Variants in SELP observed in about 807,000 individuals in gnomAD.
SELP encodes P-selectin.
Under a neutral mutation model 104.1 loss-of-function variants are expected in SELP, and 92 were observed. That is an observed-to-expected ratio of 0.88 (90% confidence interval 0.75 to 1.05). The LOEUF is 1.05. Among genes scored for constraint, SELP ranks in the 50% least tolerant of loss-of-function variants. The probability of loss-of-function intolerance (pLI) is 0.00; values close to 1 mark genes in which losing one functional copy is unlikely to be tolerated. For missense variants in SELP, 1,022 were observed against 1,017.3 expected (o/e 1.00, Z -0.06); for synonymous variants, 397 against 364.5 (o/e 1.09, Z -1.01).
At chr1:169,601,436 G>A (rs746709880) in intron 10 of SELP, among the ~76,000 whole-genome samples, 3 of 152,182 alleles carry the variant, frequency 2.0e-5, no homozygotes, top group Non-Finnish European at 4.4e-5. Context: ...AGCAATACAA[G>A]TCTTTGGATA....
rs181806687 is a variant in SELP at position 169,616,882 on chromosome 1, A to G, written c.481+146T>C. On this transcript the variant is annotated intron_variant, in intron 3 of 16. Coordinates refer to ENST00000263686, the MANE Select transcript of SELP (RefSeq NM_003005.4). ...GATCTTATATTCTTCAAGGTGCTCA[A>G]TAATACTGATTGACTAACAATTTAC... is the stretch of plus-strand genomic sequence containing the variant. 1.9e-5 allele frequency: 16 copies of G among 838,240 alleles called. No homozygotes were observed. The Admixed American group carries it at 4.3e-4, about 22-fold the overall frequency. The allele number at this position is 838,240 out of a possible 1,614,324, so 51.9% of individuals were successfully genotyped here.
intron 10 of SELP, among the ~76,000 whole-genome samples, chr1:169,598,399 A>G (rs1464904335): frequency 1.3e-5 from 2 of 152,198 alleles, no homozygotes; most frequent in Admixed American, 1.3e-4. Context: ...ATGGAAAACC[A>G]ATGTACAGTA....
At chr1:169,616,983 T>G (rs532618684) in intron 3 of SELP, 45 bp downstream of exon 3, 6 of 686,068 alleles carry the variant, frequency 8.7e-6, no homozygotes, top group South Asian at 3.6e-5. Context: ...GAAGGCAGGG[T>G]TTTTTTTTTT....
chr1:169,597,292 G>A, intron 10 of SELP, 116 bp from the exon 11 acceptor site: 1 of 924,432 alleles, frequency 1.1e-6, no homozygotes, highest in Non-Finnish European at 1.5e-6. Flanking sequence ...TATATTCCAG[G>A]TATTTTGCTA....
rs1484274963 is a variant in SELP, at chr1:169,603,305, C to CTGTGTG, written c.1520-95_1520-94insCACACA. ...TCTCTCTCTCTTTCTCCCTCTCTCT[C>CTGTGTG]TCTGTGTGTGTGTGTGTGTGTGTGT... is the stretch of plus-strand genomic sequence containing the variant. On this transcript the variant is annotated intron_variant, in intron 9 of 16. Transcript: ENST00000263686. 2.5e-3 allele frequency: 1,608 copies of CTGTGTG among 647,348 alleles called. 9 individuals are homozygous for CTGTGTG. Among genetic ancestry groups the CTGTGTG allele is most frequent in the African/African-American group, 0.02 (672 of 32,852 alleles). 40.1% of individuals were successfully genotyped at this position (647,348 alleles called of 1,614,324 possible). A position where few individuals can be genotyped will look rare whatever the true frequency, so the allele number is the denominator to read the frequency against.
rs1662970350 is a variant in SELP at position 169,619,154 on chromosome 1, G to A, written c.69C>T (p.Leu23=). Residue 23 remains leucine, a synonymous_variant, in exon 2 of 17, where the codon CTC becomes CTT. Transcript: ENST00000263686. ...FQRVVFGISQ[L]LCFSALISEL... ...CAGAGATCAGGGCACTGAAGCAAAG[G>A]AGTTGGGAAATTCCAAAGACCACTC... The A allele has an allele frequency of 6.2e-7, 1 of 1,613,946 alleles. No homozygotes were observed. The highest frequency in any genetic ancestry group is 2.2e-5 in the East Asian group (1 of 44,874).
At position 169,603,086 on chromosome 1, in the gene SELP, G is replaced by T. The variant is rs937072967; in HGVS notation, c.1645C>A (p.Pro549Thr). ...GATCGAGTACAATCCAATCTTTCTG[G>T]TCCAGACAAAGAATATCCCTCGTCA... ...ICDEGYSLSGPERLDCTRSGR... is the reference protein window; with the variant it reads ...ICDEGYSLSGTERLDCTRSGR... The change falls in exon 10 of 17, where the codon CCA becomes ACA. Residue 549 changes from proline (P) to threonine (T), a missense_variant. Physicochemically the swap from Pro to Thr is conservative, Grantham distance 38. Transcript: ENST00000263686. 1 of 1,613,878 alleles carries T rather than the reference G, an allele frequency of 6.2e-7. No homozygotes were observed. The highest frequency in any genetic ancestry group is 8.5e-7 in the Non-Finnish European group (1 of 1,179,970).
intron 1 of SELP, among the ~76,000 whole-genome samples, chr1:169,622,317 A>G (rs912147887): frequency 6.6e-6 from 1 of 152,244 alleles, no homozygotes; most frequent in Non-Finnish European, 1.5e-5. Flanking sequence ...CTAAATTTTG[A>G]TAGTAAATCA....
In SELP at chr1:169,603,061, G is replaced by A. The variant is rs377612227; in HGVS notation, c.1670C>T (p.Ser557Leu). The change falls in exon 10 of 17, where the codon TCG (serine) becomes TTG (leucine). Residue 557 changes from serine (S) to leucine (L), a missense_variant. Physicochemically the swap from Ser to Leu is moderately radical, Grantham distance 145. Coordinates refer to ENST00000263686, the MANE Select transcript of SELP (RefSeq NM_003005.4). ...SGPERLDCTR[S>L]GRWTDSPPMC... The stretch of plus-strand genomic sequence containing the variant: ...TGGTGGGGAGTCTGTCCAGCGTCCC[G>A]ATCGAGTACAATCCAATCTTTCTGG... The A allele has an allele frequency of 1.8e-5, 29 of 1,613,854 alleles. No homozygotes were observed. Among genetic ancestry groups the A allele is most frequent in the East Asian group, 2.2e-5 (1 of 44,860 alleles).
intron 2 of SELP, 142 bp from the exon 3 acceptor site, chr1:169,617,556 A>T (rs1181720340): frequency 7.2e-6 from 6 of 830,344 alleles, no homozygotes; most frequent in Middle Eastern, 2.4e-4. Context: ...TGTCTAATGT[A>T]GTTGTTTGAA....
chr1:169,612,905 A>T, intron 5 of SELP, 24 bp downstream of exon 5: 1 of 1,535,660 alleles, frequency 6.5e-7, no homozygotes. Context: ...GTCAGTGAGG[A>T]TGAAAAGAAT....
chr1:169,611,415 A>G (rs571471979), intron 7 of SELP, 77 bp downstream of exon 7: 1 of 1,430,606 alleles, frequency 7.0e-7, no homozygotes, highest in African/African-American at 1.4e-5. Flanking sequence ...TCACCCCGAC[A>G]CTGAGAGCCC....
intron 10 of SELP, among the ~76,000 whole-genome samples, chr1:169,598,540 A>C (rs1661742621): frequency 6.6e-6 from 1 of 152,206 alleles, no homozygotes; most frequent in Non-Finnish European, 1.5e-5. Flanking sequence ...GTACTCTCAA[A>C]TTGTTGAGTA....
chr1:169,622,152 T>G (rs1663166977), intron 1 of SELP, among the ~76,000 whole-genome samples: 1 of 152,258 alleles, frequency 6.6e-6, no homozygotes, highest in Non-Finnish European at 1.5e-5. Context: ...ATAAATACAT[T>G]CGTATGCCAG....
chr1:169,590,095 AT>A (rs3917852), intron 16 of SELP, 51 bp downstream of exon 16: 89,617 of 1,243,124 alleles, frequency 0.072, 3,800 homozygotes, highest in Middle Eastern at 0.085. Flanking sequence ...ATAGTCTTCC[AT>A]TTTTCCCTAG....
intron 12 of SELP, among the ~76,000 whole-genome samples, 168 bp from the exon 13 acceptor site, chr1:169,595,045 A>G (rs1661534016): frequency 6.6e-6 from 1 of 152,224 alleles, no homozygotes; most frequent in Non-Finnish European, 1.5e-5. Context: ...CAGCACATAT[A>G]TGAAAATATT....
At chr1:169,591,901 GA>G (rs2101859999) in intron 14 of SELP, among the ~76,000 whole-genome samples, 1 of 152,222 alleles carries the variant, frequency 6.6e-6, no homozygotes, top group African/African-American at 2.4e-5. Context: ...TTTGGCCATA[GA>G]AAACTTCAAA....
intron 1 of SELP, 73 bp downstream of exon 1, chr1:169,629,999 T>G (rs1663557472): frequency 6.3e-7 from 1 of 1,595,866 alleles, no homozygotes; most frequent in South Asian, 1.1e-5. Context: ...TCTGAACCTT[T>G]ACCTGCCTGA....
intron 3 of SELP, among the ~76,000 whole-genome samples, chr1:169,614,687 CTA>C (rs1175314237): frequency 2.6e-5 from 4 of 152,276 alleles, no homozygotes; most frequent in Non-Finnish European, 5.9e-5. Flanking sequence ...TACATGATCT[CTA>C]TGTTTCCTCT....
Sources: gnomAD v4.1 joint callset for allele counts (sites outside exome capture counted in the v4.1 genomes callset) on GRCh38, gnomAD v4.1.1 for gene constraint, MANE v1.5 for transcripts, NCBI Gene and HGNC (gene_info 2026-07-23, HGNC 2026-07-21) for gene names.